Variants in HIVEP3 observed in about 807,000 individuals in gnomAD.
HIVEP3 encodes the protein transcription factor HIVEP3.
A neutral mutation model predicts 152.8 loss-of-function variants in HIVEP3; 49 were observed. The observed-to-expected ratio is 0.32, with a 90% confidence interval of 0.26 to 0.41. The LOEUF is 0.41. Among genes scored for constraint, HIVEP3 ranks in the 10% least tolerant of loss-of-function variants. HIVEP3 has a pLI of 1.00. For synonymous variants in HIVEP3, 1,269 were observed against 1,289.0 expected, an observed-to-expected ratio of 0.98 and a Z score of 0.33; for missense variants, 2,790 against 3,103.3, an observed-to-expected ratio of 0.90 and a Z score of 2.40.
At chr1:41,793,662 A>C (rs1219243521) in intron 1 of HIVEP3, among the ~76,000 whole-genome samples, 2 of 152,252 alleles carry the variant, frequency 1.3e-5, no homozygotes, top group Non-Finnish European at 2.9e-5. Context: ...ATTCAGGGAA[A>C]TATATTTTGG....
intron 5 of HIVEP3, among the ~76,000 whole-genome samples, chr1:41,571,876 A>C (rs760018867): frequency 2.0e-4 from 30 of 152,212 alleles, no homozygotes; most frequent in South Asian, 6.2e-4. Flanking sequence ...AGCATGACAC[A>C]GGCAGAATCA....
chr1:41,871,317 C>T (rs1570709273), intron 1 of HIVEP3, among the ~76,000 whole-genome samples: 2 of 152,058 alleles, frequency 1.3e-5, no homozygotes, highest in Admixed American at 6.6e-5. Flanking sequence ...TGATTTTATA[C>T]ACCCCACAGT....
intron 2 of HIVEP3, among the ~76,000 whole-genome samples, chr1:41,670,602 C>T (rs1256459264): frequency 2.0e-5 from 3 of 152,122 alleles, no homozygotes; most frequent in African/African-American, 7.2e-5. Flanking sequence ...AACTATAGAG[C>T]ATATTAGCAG....
At chr1:41,529,318 C>T (rs1432471385) in intron 5 of HIVEP3, among the ~76,000 whole-genome samples, 1 of 144,074 alleles carries the variant, frequency 6.9e-6, no homozygotes. Context: ...CATGCTCACA[C>T]CTCCCCACAC....
intron 3 of HIVEP3, among the ~76,000 whole-genome samples, chr1:41,599,206 T>C (rs1015003106): frequency 1.3e-5 from 2 of 152,170 alleles, no homozygotes; most frequent in Admixed American, 6.5e-5. Flanking sequence ...GATATCCATA[T>C]TAAAAAATGA....
chr1:41,798,040 CA>C (rs1183638396), intron 1 of HIVEP3, among the ~76,000 whole-genome samples: 1 of 151,846 alleles, frequency 6.6e-6, no homozygotes, highest in African/African-American at 2.4e-5. Context: ...TATTACAGGA[CA>C]AAAAACCAAA....
chr1:41,506,541 T>G lies in HIVEP3; in HGVS notation c.*3910A>C, dbSNP rs1644382979. 6.6e-6 allele frequency: 1 copy of G among 152,174 alleles called. No individual in the cohort carries two copies. The highest frequency in any genetic ancestry group is 2.1e-4 in the South Asian group (1 of 4,830). 9.4% of individuals were successfully genotyped at this position (152,174 alleles called of 1,614,324 possible). A position where few individuals can be genotyped will look rare whatever the true frequency, so the allele number is the denominator to read the frequency against. On this transcript the variant is annotated 3_prime_UTR_variant, in exon 9 of 9. Coordinates refer to ENST00000372583, the MANE Select transcript of HIVEP3 (RefSeq NM_024503.5). ...AGGTCACACACATCAATACTGAGCATTTTTCCTTTTGTACGTCAGACTCTG... is the reference window on the plus strand; with the variant it reads ...AGGTCACACACATCAATACTGAGCAGTTTTCCTTTTGTACGTCAGACTCTG...
At chr1:41,955,856 G>A (rs1201745442) in intron 1 of HIVEP3, among the ~76,000 whole-genome samples, 6 of 152,220 alleles carry the variant, frequency 3.9e-5, no homozygotes, top group Non-Finnish European at 5.9e-5. Flanking sequence ...AATGACTCAC[G>A]GGTTAGGTTG....
At chr1:41,649,216 A>G (rs1645507753) in intron 2 of HIVEP3, among the ~76,000 whole-genome samples, 1 of 152,182 alleles carries the variant, frequency 6.6e-6, no homozygotes, top group African/African-American at 2.4e-5. Context: ...ACTCTGGGAG[A>G]CAAAAATGTC....
intron 1 of HIVEP3, among the ~76,000 whole-genome samples, chr1:41,986,526 C>T (rs796845977): frequency 2.0e-5 from 3 of 151,636 alleles, no homozygotes; most frequent in Non-Finnish European, 2.9e-5. Context: ...CTGCAAGCTC[C>T]GCTTCCCGAG....
chr1:41,863,318 G>A (rs1329509116), intron 1 of HIVEP3, among the ~76,000 whole-genome samples: 1 of 152,236 alleles, frequency 6.6e-6, no homozygotes, highest in Non-Finnish European at 1.5e-5. Context: ...AATTAACATG[G>A]CTCTGAAGAG....
intron 1 of HIVEP3, among the ~76,000 whole-genome samples, chr1:41,884,018 T>A (rs1644303832): frequency 6.6e-6 from 1 of 152,212 alleles, no homozygotes; most frequent in African/African-American, 2.4e-5. Context: ...GCTAGAGCAG[T>A]GCAGTGGCGA....
intron 5 of HIVEP3, among the ~76,000 whole-genome samples, chr1:41,565,708 T>C (rs1420852961): frequency 6.6e-6 from 1 of 152,178 alleles, no homozygotes; most frequent in Non-Finnish European, 1.5e-5. Flanking sequence ...AGGCAGACAG[T>C]GTCCAGGACC....
At chr1:41,650,413 A>G (rs1459347552) in intron 2 of HIVEP3, among the ~76,000 whole-genome samples, 2 of 152,234 alleles carry the variant, frequency 1.3e-5, no homozygotes, top group African/African-American at 2.4e-5. Context: ...AGAAGAGGCT[A>G]GAAGCATTTC....
chr1:41,836,847 T>A (rs1271850991), intron 1 of HIVEP3, among the ~76,000 whole-genome samples: 1 of 152,216 alleles, frequency 6.6e-6, no homozygotes, highest in African/African-American at 2.4e-5. Context: ...ACTCTCTCCA[T>A]CCCATTGCCA....
chr1:41,642,928 T>C (rs1282119320), intron 2 of HIVEP3, among the ~76,000 whole-genome samples: 1 of 152,120 alleles, frequency 6.6e-6, no homozygotes, highest in Non-Finnish European at 1.5e-5. Context: ...ATCTGAGGCA[T>C]GTGTGGAAGT....
chr1:41,659,874 TGGGGACAC>T (rs1164933809), intron 2 of HIVEP3, among the ~76,000 whole-genome samples: 2 of 152,206 alleles, frequency 1.3e-5, no homozygotes, highest in African/African-American at 2.4e-5. Context: ...TCACCAGCTC[TGGGGACAC>T]GGGGACAAGG....
chr1:41,957,470 T>C (rs1186359473), intron 1 of HIVEP3, among the ~76,000 whole-genome samples: 2 of 152,198 alleles, frequency 1.3e-5, no homozygotes, highest in African/African-American at 4.8e-5. Flanking sequence ...GGCTTCCACA[T>C]AAATAGCTTA....
intron 7 of HIVEP3, among the ~76,000 whole-genome samples, chr1:41,516,035 G>A (rs1278279792): frequency 6.6e-6 from 1 of 152,226 alleles, no homozygotes; most frequent in Non-Finnish European, 1.5e-5. Context: ...TACTAATGTG[G>A]AAGTTGAGAC....
Sources: allele counts gnomAD v4.1 joint callset (sites outside exome capture counted in the v4.1 genomes callset), GRCh38; gene constraint gnomAD v4.1.1; transcripts MANE v1.5; gene names NCBI Gene and HGNC (gene_info 2026-07-23, HGNC 2026-07-21).